The following PLA2G2E variants were observed in gnomAD, a reference collection of about 807,000 sequenced individuals.
PLA2G2E encodes the protein group IIE secretory phospholipase A2.
PLA2G2E carries 14 observed loss-of-function variants against 16.5 expected under a neutral mutation model. The ratio of observed to expected loss-of-function variants is 0.85; its 90% CI spans 0.56 to 1.33. The LOEUF (loss-of-function observed/expected upper bound fraction) is 1.33. Ranked by LOEUF, PLA2G2E falls within the 40% of genes most tolerant of loss-of-function variation. PLA2G2E has a pLI of 0.00. For synonymous variants in PLA2G2E, 72 were observed against 77.2 expected, an observed-to-expected ratio of 0.93 and a Z score of 0.36; for missense variants, 174 against 190.7, an observed-to-expected ratio of 0.91 and a Z score of 0.52.
Position 19,920,202 on chromosome 1 carries a change from G to A in PLA2G2E, c.*105C>T. 1.0e-6 allele frequency: 1 copy of A among 971,462 alleles called. No individual in the cohort carries two copies. Among genetic ancestry groups the A allele is most frequent in the Non-Finnish European group, 1.5e-6 (1 of 653,106 alleles). The allele number at this position is 971,462 out of a possible 1,614,324, so 60.2% of individuals were successfully genotyped here. A position where few individuals can be genotyped will look rare whatever the true frequency, so the allele number is the denominator to read the frequency against. The stretch of plus-strand genomic sequence containing the variant: ...CAAGGAGGGATGAGTTTGCAGGAAA[G>A]GAATTTTCCAAAGGGAGGGCCTTTG... On this transcript the variant is annotated 3_prime_UTR_variant, in exon 4 of 4. Transcript: ENST00000375116. The surrounding 1 kb of genome is among the most constrained non-coding windows in gnomAD (Gnocchi z 4.3).
At chr1:19,921,271 C>T (rs1215967422) in intron 3 of PLA2G2E, among the ~76,000 whole-genome samples, 1 of 152,222 alleles carries the variant, frequency 6.6e-6, no homozygotes, top group East Asian at 1.9e-4. Context: ...ACTCTTAACG[C>T]CGAGCCGGTC....
At chr1:19,921,112 C>T (rs185307952) in intron 3 of PLA2G2E, among the ~76,000 whole-genome samples, 202 of 152,350 alleles carry the variant, frequency 1.3e-3, no homozygotes, top group African/African-American at 4.6e-3. Flanking sequence ...TCACCTCTGC[C>T]TGCAGTGGCC....
Position 19,920,285 on chromosome 1 carries a change from G to GC in PLA2G2E, c.*21_*22insG, listed in dbSNP as rs762481673. On this transcript the variant is annotated 3_prime_UTR_variant, in exon 4 of 4. Coordinates refer to ENST00000375116, the MANE Select transcript of PLA2G2E (RefSeq NM_014589.3). This position sits in a 1 kb window ranked among gnomAD's most constrained non-coding sequence, Gnocchi z 4.3. ...AGCCCGAGGCGGGACCTCCAGGGACGGGGGGGAGGCCGAGCATAGCCTCAG... is the reference window on the plus strand; with the variant it reads ...AGCCCGAGGCGGGACCTCCAGGGACGCGGGGGGAGGCCGAGCATAGCCTCAG... 332 of 1,585,278 alleles carry GC rather than the reference G, an allele frequency of 2.1e-4. No homozygotes were observed. The highest frequency in any genetic ancestry group is 2.7e-4 in the Non-Finnish European group (310 of 1,160,390).
At chr1:19,922,802 C>A (rs763549737) in intron 1 of PLA2G2E, 47 bp from the exon 2 acceptor site, 1 of 1,584,542 alleles carries the variant, frequency 6.3e-7, no homozygotes, top group Non-Finnish European at 8.6e-7. Context: ...CCACCCTCTG[C>A]AGCCAACTTC....
chr1:19,923,446 C>T (rs2045834996), intron 1 of PLA2G2E, 74 bp downstream of exon 1: 11 of 1,320,300 alleles, frequency 8.3e-6, no homozygotes, highest in Non-Finnish European at 1.2e-5. Flanking sequence ...TCGGTAGGGC[C>T]AGGCTCAGGG....
chr1:19,922,150 T>G (rs1246353973), intron 3 of PLA2G2E, 148 bp downstream of exon 3: 6 of 616,020 alleles, frequency 9.7e-6, no homozygotes, highest in Non-Finnish European at 1.8e-5. Flanking sequence ...TCTCCACTGT[T>G]ACGTGGTAAC....
rs1242834529 is a variant in PLA2G2E at position 19,920,174 on chromosome 1, T to C, written c.*133A>G. 1 of 730,030 alleles carries C rather than the reference T, an allele frequency of 1.4e-6. No homozygotes were observed. Among genetic ancestry groups the C allele is most frequent in the East Asian group, 2.7e-5 (1 of 37,060 alleles). The allele number at this position is 730,030 out of a possible 1,614,324, so 45.2% of individuals were successfully genotyped here. A position where few individuals can be genotyped will look rare whatever the true frequency, so the allele number is the denominator to read the frequency against. ...GATGGTCCAGGACATATCTCTGAGC[T>C]CTCAAGGAGGGATGAGTTTGCAGGA... is the stretch of plus-strand genomic sequence containing the variant. On this transcript the variant is annotated 3_prime_UTR_variant, in exon 4 of 4. Transcript: ENST00000375116. The surrounding 1 kb of genome is among the most constrained non-coding windows in gnomAD (Gnocchi z 4.3).
Position 19,922,703 on chromosome 1 carries a change from C to A in PLA2G2E, c.93G>T (p.Met31Ile), listed in dbSNP as rs1188106356. 1 of 1,614,026 alleles carries A rather than the reference C, an allele frequency of 6.2e-7. No individual in the cohort carries two copies. The highest frequency in any genetic ancestry group is 2.2e-5 in the East Asian group (1 of 44,866). ...LVQFGVMIEK[M>I]TGKSALQYND... is the part of the protein sequence containing the mutation. Reference sequence around the variant, plus strand: ...TGTACTGCAGGGCGGACTTGCCTGTCATCTTCTCGATCATCACCCCAAACT... The same window carrying A: ...TGTACTGCAGGGCGGACTTGCCTGTAATCTTCTCGATCATCACCCCAAACT... The change falls in exon 2 of 4, where the codon ATG (methionine) becomes ATT (isoleucine). Residue 31 changes from methionine (M) to isoleucine (I), a missense_variant. By Grantham distance (10) the Met-to-Ile change is conservative (BLOSUM62 1). Coordinates refer to ENST00000375116, the MANE Select transcript of PLA2G2E (RefSeq NM_014589.3).
rs745903576 is a variant in PLA2G2E at position 19,922,285 on chromosome 1, G to T, written c.286+13C>A. On this transcript the variant is annotated intron_variant, in intron 3 of 3. Transcript: ENST00000375116. ...CGCAGGGTGTCTAGGTCACTTCAGG[G>T]CTCTCCACCTACCGCAGAAAATGCC... 2 of 1,596,496 alleles carry T rather than the reference G, an allele frequency of 1.3e-6. No homozygotes were observed. Among genetic ancestry groups the T allele is most frequent in the Admixed American group, 3.3e-5 (2 of 59,876 alleles).
Position 19,922,353 on chromosome 1 carries a change from A to G in PLA2G2E, c.231T>C (p.Cys77=). The G allele has an allele frequency of 6.2e-7, 1 of 1,614,058 alleles. No homozygotes were observed. The highest frequency in any genetic ancestry group is 8.5e-7 in the Non-Finnish European group (1 of 1,179,944). The part of the protein sequence containing the change: ...CCYGRLEKLG[C]EPKLEKYLFS... ...AAAGATACTTTTCCAGTTTGGGCTC[A>G]CAGCCCAGCTTCTCCAGACGCCCGT... Residue 77 remains cysteine, a synonymous_variant, in exon 3 of 4, where the codon TGT becomes TGC. Coordinates refer to ENST00000375116, the MANE Select transcript of PLA2G2E (RefSeq NM_014589.3).
chr1:19,920,280 G>A lies in PLA2G2E; in HGVS notation c.*27C>T. On this transcript the variant is annotated 3_prime_UTR_variant, in exon 4 of 4. Transcript: ENST00000375116. The surrounding 1 kb of genome is among the most constrained non-coding windows in gnomAD (Gnocchi z 4.3). Reference sequence around the variant, plus strand: ...ACAGCAGCCCGAGGCGGGACCTCCAGGGACGGGGGGGAGGCCGAGCATAGC... The same window carrying A: ...ACAGCAGCCCGAGGCGGGACCTCCAAGGACGGGGGGGAGGCCGAGCATAGC... 1 of 1,600,966 alleles carries A rather than the reference G, an allele frequency of 6.2e-7. No individual in the cohort carries two copies.
At chr1:19,921,379 G>A (rs903885251) in intron 3 of PLA2G2E, among the ~76,000 whole-genome samples, 3 of 152,164 alleles carry the variant, frequency 2.0e-5, no homozygotes, top group Admixed American at 6.5e-5. Context: ...GGCTTTCCAG[G>A]GATTACATCA....
chr1:19,922,595 C>A (rs749808426), intron 2 of PLA2G2E, 22 bp downstream of exon 2: 1 of 1,613,226 alleles, frequency 6.2e-7, no homozygotes, highest in Non-Finnish European at 8.5e-7. Context: ...CATGGAGGTC[C>A]CCCTGCAGGC....
chr1:19,921,233 A>G (rs2045811542), intron 3 of PLA2G2E, among the ~76,000 whole-genome samples: 1 of 152,110 alleles, frequency 6.6e-6, no homozygotes, highest in Admixed American at 6.5e-5. Flanking sequence ...CACGCCCGCT[A>G]TGTCAGCAAC....
chr1:19,922,606 T>C lies in PLA2G2E; in HGVS notation c.179+11A>G, dbSNP rs2045824890. 6.2e-7 allele frequency: 1 copy of C among 1,613,702 alleles called. No homozygotes were observed. Among genetic ancestry groups the C allele is most frequent in the Non-Finnish European group, 8.5e-7 (1 of 1,179,844 alleles). On this transcript the variant is annotated intron_variant, in intron 2 of 3. Transcript: ENST00000375116. ...TCCCCATGGAGGTCCCCCTGCAGGC[T>C]GCTTCCTCACCAGTCAGTCTGGTCC...
Position 19,920,094 on chromosome 1 carries a change from A to T in PLA2G2E, c.*213T>A, listed in dbSNP as rs1214118436. The T allele has an allele frequency of 2.7e-5, 15 of 553,008 alleles. No individual in the cohort carries two copies. Among genetic ancestry groups the T allele is most frequent in the Non-Finnish European group, 3.8e-5 (12 of 311,952 alleles). 34.3% of individuals were successfully genotyped at this position (553,008 alleles called of 1,614,324 possible). On this transcript the variant is annotated 3_prime_UTR_variant, in exon 4 of 4. Transcript: ENST00000375116. This position sits in a 1 kb window ranked among gnomAD's most constrained non-coding sequence, Gnocchi z 4.3. ...CAGTCTTCTGGGTGCTGAAGGGTCCATGGCTCCTGGGGCAGGGTTCTTTCT... is the reference window on the plus strand; with the variant it reads ...CAGTCTTCTGGGTGCTGAAGGGTCCTTGGCTCCTGGGGCAGGGTTCTTTCT...
rs755193489 is a variant in PLA2G2E, at chr1:19,922,578, C to G, written c.179+39G>C. On this transcript the variant is annotated intron_variant, in intron 2 of 3. Transcript: ENST00000375116. ...ATCCTCCCAGGATCCCCCAGCTCCT[C>G]CATCCCCATGGAGGTCCCCCTGCAG... The G allele has an allele frequency of 5.0e-6, 8 of 1,610,836 alleles. No homozygotes were observed. In the African/African-American group the frequency reaches 6.7e-5, roughly 13 times the overall value.
In PLA2G2E at chr1:19,920,436, GGTGGTCCTGCCGGCT is replaced by G; in HGVS notation, c.287-2_299del. 12 of 1,613,742 alleles carry G rather than the reference GGTGGTCCTGCCGGCT, an allele frequency of 7.4e-6. No homozygotes were observed. The highest frequency in any genetic ancestry group is 9.3e-6 in the Non-Finnish European group (11 of 1,179,836). On this transcript the variant is annotated splice_acceptor_variant and coding_sequence_variant, in exon 4 of 4. Transcript: ENST00000375116. LOFTEE classifies it high-confidence loss of function. This position sits in a 1 kb window ranked among gnomAD's most constrained non-coding sequence, Gnocchi z 4.3. ...CACACTCGCAGGTCAGCCGCTGGCAGGTGGTCCTGCCGGCTGGATGGGACAAAGTGAGTCAGGGAC... is the reference window on the plus strand; with the variant it reads ...CACACTCGCAGGTCAGCCGCTGGCAGGGATGGGACAAAGTGAGTCAGGGAC...
In PLA2G2E at chr1:19,920,538, C is replaced by G; in HGVS notation, c.287-89G>C. 1 of 1,321,146 alleles carries G rather than the reference C, an allele frequency of 7.6e-7. No individual in the cohort carries two copies. The highest frequency in any genetic ancestry group is 1.3e-5 in the South Asian group (1 of 74,838). 81.8% of individuals were successfully genotyped at this position (1,321,146 alleles called of 1,614,324 possible). On this transcript the variant is annotated intron_variant, in intron 3 of 3. Coordinates refer to ENST00000375116, the MANE Select transcript of PLA2G2E (RefSeq NM_014589.3). This position sits in a 1 kb window ranked among gnomAD's most constrained non-coding sequence, Gnocchi z 4.3. ...CTGCTTCTGGGTCCACGTTCTTGACCTGGACCAACTCCATTCTGATGGAAG... is the reference window on the plus strand; with the variant it reads ...CTGCTTCTGGGTCCACGTTCTTGACGTGGACCAACTCCATTCTGATGGAAG...
Sources: allele counts gnomAD v4.1 joint callset (sites outside exome capture counted in the v4.1 genomes callset), GRCh38; gene constraint gnomAD v4.1.1; non-coding constraint Gnocchi (gnomAD v3.1); transcripts MANE v1.5; gene names NCBI Gene and HGNC (gene_info 2026-07-23, HGNC 2026-07-21).